The following HOOK3 variants were observed in gnomAD, a reference collection of about 807,000 sequenced individuals.
HOOK3 encodes protein Hook homolog 3.
In HOOK3, 24 loss-of-function variants were observed where a neutral mutation model predicts 116.3. The observed-to-expected ratio is 0.21, with a 90% CI of 0.15 to 0.29. The LOEUF is 0.29. HOOK3 is among the 10% of genes least tolerant of loss of function. The probability of loss-of-function intolerance (pLI) is 1.00; values close to 1 mark genes in which losing one functional copy is unlikely to be tolerated. For synonymous variants in HOOK3, 275 were observed against 283.0 expected (o/e 0.97, Z 0.28); for missense variants, 632 against 830.2 (o/e 0.76, Z 2.93).
intron 4 of HOOK3, among the ~76,000 whole-genome samples, chr8:42,941,136 G>A (rs1288920712): frequency 5.3e-5 from 8 of 151,490 alleles, no homozygotes; most frequent in Non-Finnish European, 8.8e-5. Flanking sequence ...TAGTAGAGAC[G>A]GGATTTTACT....
Position 42,966,658 on chromosome 8 carries a change from T to A in HOOK3, c.920+45T>A. On this transcript the variant is annotated intron_variant, in intron 10 of 21. Transcript: ENST00000307602. Reference sequence around the variant, plus strand: ...CGCCCAGCACAGTTTGGCTCTGGTGTTAGAAACTCTAGGGTTTCTGAGGAT... The same window carrying A: ...CGCCCAGCACAGTTTGGCTCTGGTGATAGAAACTCTAGGGTTTCTGAGGAT... 6 of 1,592,876 alleles carry A rather than the reference T, an allele frequency of 3.8e-6. No homozygotes were observed. The South Asian group carries it at 6.7e-5, about 18-fold the overall frequency.
In HOOK3 at chr8:42,925,564, G is replaced by T; in HGVS notation, c.151G>T (p.Ala51Ser). 8.8e-6 allele frequency: 14 copies of T among 1,598,522 alleles called. No homozygotes were observed. Among genetic ancestry groups the T allele is most frequent in the Non-Finnish European group, 1.2e-5 (14 of 1,169,970 alleles). The part of the protein sequence containing the change: ...MAQVLQKIDP[A>S]YFDENWLNRI... ...CTTTTTCTTATTTTGCAGAGATCCT[G>T]CATATTTTGATGAAAATTGGCTAAA... The change falls in exon 3 of 22, where the codon GCA becomes TCA. Residue 51 changes from alanine to serine, a missense_variant. By Grantham distance (99) the Ala-to-Ser change is moderately conservative (BLOSUM62 1). Around this residue, in one of 3 missense-constraint regions of HOOK3, gnomAD observed 141 missense variants for 150.8 expected, o/e 0.93. Transcript: ENST00000307602.
At chr8:42,951,195 G>A (rs1808338747) in intron 6 of HOOK3, among the ~76,000 whole-genome samples, 1 of 152,014 alleles carries the variant, frequency 6.6e-6, no homozygotes. Context: ...TGAGTAGCTG[G>A]GACTACAAGC....
chr8:43,012,956 AT>A (rs1809640534), intron 19 of HOOK3, 94 bp from the exon 20 acceptor site: 1 of 787,726 alleles, frequency 1.3e-6, no homozygotes, highest in Non-Finnish European at 2.0e-6. Flanking sequence ...TCATAAGTTT[AT>A]CCTTTTATTT....
chr8:43,006,581 C>T (rs1217044314), intron 17 of HOOK3, among the ~76,000 whole-genome samples: 1 of 152,164 alleles, frequency 6.6e-6, no homozygotes, highest in Non-Finnish European at 1.5e-5. Context: ...CCTTGGCCTC[C>T]CAAAGTGCTA....
In HOOK3 at chr8:43,027,359, G is replaced by A. The variant is rs1809950507; in HGVS notation, c.*8861G>A. 2.7e-6 allele frequency: 1 copy of A among 371,050 alleles called. No individual in the cohort carries two copies. The highest frequency in any genetic ancestry group is 5.8e-5 in the East Asian group (1 of 17,232). The allele number at this position is 371,050 out of a possible 1,614,324, so 23.0% of individuals were successfully genotyped here. On this transcript the variant is annotated 3_prime_UTR_variant, in exon 22 of 22. Coordinates refer to ENST00000307602, the MANE Select transcript of HOOK3 (RefSeq NM_032410.4). ...CTTGTTTATTATGTTACATAAATATGGACACAATTACTGCCAAAGAATAGA... is the reference window on the plus strand; with the variant it reads ...CTTGTTTATTATGTTACATAAATATAGACACAATTACTGCCAAAGAATAGA...
At chr8:43,014,511 C>G (rs1809673760) in intron 21 of HOOK3, among the ~76,000 whole-genome samples, 1 of 151,708 alleles carries the variant, frequency 6.6e-6, no homozygotes, top group Admixed American at 6.6e-5. Flanking sequence ...GCCAGCACGC[C>G]CGAATAATTT....
At chr8:42,960,045 G>A (rs551174143) in intron 8 of HOOK3, among the ~76,000 whole-genome samples, 14 of 152,248 alleles carry the variant, frequency 9.2e-5, no homozygotes, top group South Asian at 4.1e-4. Flanking sequence ...TTACAAAGTC[G>A]TAATGTAAGT....
At position 43,025,650 on chromosome 8, in the gene HOOK3, T is replaced by C. The variant is rs1432508228; in HGVS notation, c.*7152T>C. On this transcript the variant is annotated 3_prime_UTR_variant, in exon 22 of 22. Coordinates refer to ENST00000307602, the MANE Select transcript of HOOK3 (RefSeq NM_032410.4). Reference sequence around the variant, plus strand: ...ACACTTATTTTCATTTTGAGACTGTTTGGCTATTACTAAAGCTGAGAAAGT... The same window carrying C: ...ACACTTATTTTCATTTTGAGACTGTCTGGCTATTACTAAAGCTGAGAAAGT... The C allele has an allele frequency of 9.3e-6, 2 of 214,446 alleles. No homozygotes were observed. Among genetic ancestry groups the C allele is most frequent in the African/African-American group, 4.5e-5 (2 of 44,326 alleles). 13.3% of individuals were successfully genotyped at this position (214,446 alleles called of 1,614,324 possible). A position where few individuals can be genotyped will look rare whatever the true frequency, so the allele number is the denominator to read the frequency against.
chr8:42,950,505 CATG>C lies in HOOK3; in HGVS notation c.468+52_468+54del, dbSNP rs773006941. ...GTTTATGAAAAATTAAAGGAGTAAA[CATG>C]AGTATGAATAATACAAGTGGAAAAT... On this transcript the variant is annotated intron_variant, in intron 6 of 21. Transcript: ENST00000307602. 8.4e-5 allele frequency: 102 copies of C among 1,220,252 alleles called. No individual in the cohort carries two copies. The African/African-American group carries it at 1.4e-3, about 17-fold the overall frequency. 75.6% of individuals were successfully genotyped at this position (1,220,252 alleles called of 1,614,324 possible).
chr8:43,004,840 T>C (rs1458563340), intron 17 of HOOK3, among the ~76,000 whole-genome samples: 1 of 152,170 alleles, frequency 6.6e-6, no homozygotes, highest in Non-Finnish European at 1.5e-5. Flanking sequence ...TTAGTAAACC[T>C]GGACATGCCA....
In HOOK3 at chr8:42,921,149, G is replaced by A. The variant is rs539174488; in HGVS notation, c.144-4408G>A. Among the ~76,000 whole-genome samples the A allele has an allele frequency of 1.6e-4, 24 of 151,712 alleles. No homozygotes were observed. The South Asian group carries it at 1.9e-3, about 12-fold the overall frequency. On this transcript the variant is annotated intron_variant, in intron 2 of 21. Transcript: ENST00000307602. Reference sequence around the variant, plus strand: ...GAGATCTTGGAGTATATAATTTCTTGGACATTTTAAAGTTTTTTTTTTTTT... The same window carrying A: ...GAGATCTTGGAGTATATAATTTCTTAGACATTTTAAAGTTTTTTTTTTTTT...
intron 9 of HOOK3, among the ~76,000 whole-genome samples, chr8:42,965,498 A>G (rs961430845): frequency 2.0e-5 from 3 of 152,210 alleles, no homozygotes; most frequent in Non-Finnish European, 4.4e-5. Flanking sequence ...GGTGAAAGGA[A>G]AAAGAAGAAA....
At chr8:42,995,332 C>T (rs1165855536) in intron 15 of HOOK3, among the ~76,000 whole-genome samples, 1 of 152,168 alleles carries the variant, frequency 6.6e-6, no homozygotes, top group Non-Finnish European at 1.5e-5. Context: ...GATAACTGGT[C>T]ATCTCTTAAA....
At position 43,028,932 on chromosome 8, in the gene HOOK3, T is replaced by C. The variant is rs974282052; in HGVS notation, c.*10434T>C. The stretch of plus-strand genomic sequence containing the variant: ...AAGCAAGTTATGATGATTCTTATTG[T>C]AGTTCAAGTACAGATGAGTAAGTGG... On this transcript the variant is annotated 3_prime_UTR_variant, in exon 22 of 22. Transcript: ENST00000307602. The C allele has an allele frequency of 2.0e-5, 4 of 202,576 alleles. No individual in the cohort carries two copies. Among genetic ancestry groups the C allele is most frequent in the Non-Finnish European group, 4.1e-5 (4 of 98,522 alleles). The allele number at this position is 202,576 out of a possible 1,614,324, so 12.5% of individuals were successfully genotyped here. A position where few individuals can be genotyped will look rare whatever the true frequency, so the allele number is the denominator to read the frequency against.
In HOOK3 at chr8:43,021,826, G is replaced by A. The variant is rs1356693655; in HGVS notation, c.*3328G>A. On this transcript the variant is annotated 3_prime_UTR_variant, in exon 22 of 22. Coordinates refer to ENST00000307602, the MANE Select transcript of HOOK3 (RefSeq NM_032410.4). ...GGGGACTACAGGCGCCCGCCACTAC[G>A]CCCGACTAATTTTTTGTATTTTTTA... 3.8e-5 allele frequency: 6 copies of A among 157,968 alleles called. No homozygotes were observed. The highest frequency in any genetic ancestry group is 1.5e-4 in the East Asian group (1 of 6,750). The allele number at this position is 157,968 out of a possible 1,614,324, so 9.8% of individuals were successfully genotyped here.
intron 4 of HOOK3, among the ~76,000 whole-genome samples, chr8:42,938,162 T>C (rs1029895140): frequency 1.1e-4 from 17 of 152,158 alleles, no homozygotes; most frequent in Admixed American, 1.1e-3. Context: ...TTTGTCTCTT[T>C]TGATCTTTGT....
At chr8:42,919,138 C>T (rs1327304052) in intron 2 of HOOK3, among the ~76,000 whole-genome samples, 4 of 152,114 alleles carry the variant, frequency 2.6e-5, no homozygotes, top group Non-Finnish European at 5.9e-5. Context: ...ACGCTCCTCA[C>T]TTCCCAGACG....
chr8:42,903,503 C>T (rs866234688), intron 1 of HOOK3, among the ~76,000 whole-genome samples: 4 of 150,520 alleles, frequency 2.7e-5, no homozygotes, highest in African/African-American at 9.7e-5. Context: ...CGCCACAGCG[C>T]CCGACTAATT....
Sources: allele counts gnomAD v4.1 joint callset (sites outside exome capture counted in the v4.1 genomes callset), GRCh38; gene constraint gnomAD v4.1.1; regional missense constraint gnomAD v4.1.1; transcripts MANE v1.5; gene names NCBI Gene and HGNC (gene_info 2026-07-23, HGNC 2026-07-21).